ARMC1: variants seen among roughly 807,000 people sequenced by gnomAD.
The protein encoded by ARMC1 is armadillo repeat-containing protein 1.
A neutral mutation model predicts 31.4 loss-of-function variants in ARMC1; 16 were observed. The ratio of observed to expected loss-of-function variants is 0.51; its 90% CI spans 0.34 to 0.77. The LOEUF is 0.77. ARMC1 is among the 30% of genes least tolerant of loss of function. The pLI, the probability that ARMC1 is intolerant of heterozygous loss-of-function variation, is 0.01. For synonymous variants in ARMC1, 114 were observed against 118.9 expected (o/e 0.96, Z 0.27); for missense variants, 259 against 347.5 (o/e 0.75, Z 2.02).
intron 5 of ARMC1, 35 bp from the exon 6 acceptor site, chr8:65,605,372 G>C (rs772413113): frequency 4.0e-5 from 64 of 1,612,644 alleles, no homozygotes; most frequent in Non-Finnish European, 5.3e-5. Flanking sequence ...TTTTGAAATT[G>C]ATTTGTTTAC....
At chr8:65,618,818 CG>C (rs1392267478) in intron 3 of ARMC1, among the ~76,000 whole-genome samples, 1 of 151,304 alleles carries the variant, frequency 6.6e-6, no homozygotes, top group African/African-American at 2.4e-5. Flanking sequence ...CCGAGGTGAG[CG>C]GATCATGAGG....
chr8:65,627,501 AG>A, intron 1 of ARMC1, 68 bp from the exon 2 acceptor site: 1 of 877,670 alleles, frequency 1.1e-6, no homozygotes, highest in African/African-American at 1.7e-5. Context: ...TGAAATAACC[AG>A]GATTACAACA....
chr8:65,610,709 T>A (rs1323486879), intron 4 of ARMC1, among the ~76,000 whole-genome samples: 1 of 151,934 alleles, frequency 6.6e-6, no homozygotes, highest in Non-Finnish European at 1.5e-5. Context: ...AAAAAAAAAT[T>A]TAAAAACCAA....
rs764034757 is a variant in ARMC1, at chr8:65,604,574, T to A, written c.669A>T (p.Pro223=). The change falls in exon 7 of 7, where the codon CCA becomes CCT. Residue 223 remains proline, a synonymous_variant. Coordinates refer to ENST00000276569, the MANE Select transcript of ARMC1 (RefSeq NM_018120.6). The part of the protein sequence containing the change: ...KSESGEEMLV[P]FQDTPVEVEQ... The stretch of plus-strand genomic sequence containing the variant: ...CAACTTCCACAGGAGTATCTTGGAA[T>A]GGGACCAACATCTGATACAGAAAAT... 5 of 1,613,164 alleles carry A rather than the reference T, an allele frequency of 3.1e-6. No homozygotes were observed. The Admixed American group carries it at 5.0e-5, about 16-fold the overall frequency.
chr8:65,622,179 C>T, intron 3 of ARMC1, 84 bp downstream of exon 3: 1 of 1,089,924 alleles, frequency 9.2e-7, no homozygotes, highest in Non-Finnish European at 1.4e-6. Flanking sequence ...CGCTTGAACC[C>T]AGCATGGGCA....
chr8:65,612,381 A>G (rs2129041699), intron 4 of ARMC1, among the ~76,000 whole-genome samples: 1 of 151,980 alleles, frequency 6.6e-6, no homozygotes, highest in East Asian at 1.9e-4. Context: ...ACTTGAGCCC[A>G]GGAGTTCGAG....
intron 1 of ARMC1, among the ~76,000 whole-genome samples, chr8:65,628,569 G>C (rs529910801): frequency 1.8e-4 from 27 of 149,332 alleles, no homozygotes; most frequent in African/African-American, 6.4e-4. Flanking sequence ...TTTAAAATCA[G>C]TATTTTGGCC....
intron 4 of ARMC1, among the ~76,000 whole-genome samples, chr8:65,609,288 CTTTGCTGGGT>C (rs1468721059): frequency 1.3e-5 from 2 of 151,888 alleles, no homozygotes; most frequent in African/African-American, 2.4e-5. Flanking sequence ...TTTGTGTGTG[CTTTGCTGGGT>C]TTTATTACTT....
chr8:65,605,020 G>C (rs555904385), intron 6 of ARMC1, among the ~76,000 whole-genome samples: 5 of 152,316 alleles, frequency 3.3e-5, no homozygotes, highest in African/African-American at 1.2e-4. Flanking sequence ...AGATTAGGAA[G>C]AAAGTATTTA....
chr8:65,622,313 C>G lies in ARMC1; in HGVS notation c.225G>C (p.Lys75Asn), dbSNP rs774339005. The G allele has an allele frequency of 6.2e-7, 1 of 1,614,162 alleles. No homozygotes were observed. The highest frequency in any genetic ancestry group is 1.1e-5 in the South Asian group (1 of 91,086). The change falls in exon 3 of 7, where the codon AAG becomes AAC. Residue 75 changes from lysine to asparagine, a missense_variant. This residue lies in a region of ARMC1 where 163 missense variants were observed against 186.7 expected (regional missense o/e 0.87). Transcript: ENST00000276569. Reference protein sequence around the residue: ...YLAECRANREKMKGELGMMLS... With the variant: ...YLAECRANRENMKGELGMMLS... ...ACATCATACCCAGTTCTCCTTTCAT[C>G]TTTTCTCTGTTTGCACGGCATTCTG... is the stretch of plus-strand genomic sequence containing the variant.
chr8:65,619,276 T>G (rs979956463), intron 3 of ARMC1, among the ~76,000 whole-genome samples: 2 of 152,162 alleles, frequency 1.3e-5, no homozygotes, highest in Non-Finnish European at 2.9e-5. Flanking sequence ...GATTCACCCC[T>G]GTAATCCCAG....
chr8:65,616,596 C>G (rs1440122229), intron 3 of ARMC1, among the ~76,000 whole-genome samples: 1 of 150,948 alleles, frequency 6.6e-6, no homozygotes, highest in African/African-American at 2.4e-5. Flanking sequence ...GGCCGCCCAT[C>G]GTCTGGGATG....
intron 4 of ARMC1, among the ~76,000 whole-genome samples, chr8:65,610,579 C>T (rs951616823): frequency 6.6e-6 from 1 of 151,870 alleles, no homozygotes; most frequent in South Asian, 2.1e-4. Context: ...CCTGTAATCC[C>T]AGCTACTTGG....
chr8:65,604,173 C>A lies in ARMC1; in HGVS notation c.*221G>T. The A allele has an allele frequency of 2.3e-6, 1 of 426,628 alleles. No homozygotes were observed. Among genetic ancestry groups the A allele is most frequent in the Non-Finnish European group, 4.1e-6 (1 of 240,992 alleles). 26.4% of individuals were successfully genotyped at this position (426,628 alleles called of 1,614,324 possible). A position where few individuals can be genotyped will look rare whatever the true frequency, so the allele number is the denominator to read the frequency against. ...GGCAATTAAATGAAAGAAAACAAAC[C>A]AAAATACTTTCATAAACAAAGCAAC... is the stretch of plus-strand genomic sequence containing the variant. On this transcript the variant is annotated 3_prime_UTR_variant, in exon 7 of 7. Coordinates refer to ENST00000276569, the MANE Select transcript of ARMC1 (RefSeq NM_018120.6).
intron 1 of ARMC1, chr8:65,632,909 C>G (rs1808679180): frequency 6.6e-6 from 1 of 152,242 alleles, no homozygotes; most frequent in Non-Finnish European, 1.5e-5. Context: ...TTTACTTTCT[C>G]TTGTTTAGTT....
Position 65,627,428 on chromosome 8 carries a change from T to G in ARMC1, c.-30A>C, listed in dbSNP as rs753707886. The G allele has an allele frequency of 4.7e-5, 71 of 1,507,762 alleles. No homozygotes were observed. Among genetic ancestry groups the G allele is most frequent in the Non-Finnish European group, 6.0e-5 (68 of 1,124,552 alleles). The allele number at this position is 1,507,762 out of a possible 1,614,324, so 93.4% of individuals were successfully genotyped here. A position where few individuals can be genotyped will look rare whatever the true frequency, so the allele number is the denominator to read the frequency against. On this transcript the variant is annotated 5_prime_UTR_variant, in exon 2 of 7. Coordinates refer to ENST00000276569, the MANE Select transcript of ARMC1 (RefSeq NM_018120.6). ...TATGCCATGCACATGAATAAAATCT[T>G]AAATTCTGTAGAAAAGGTTTGCAGA...
At position 65,620,798 on chromosome 8, in the gene ARMC1, T is replaced by TAAAAAAAAAAAAAA. The variant is rs776508929; in HGVS notation, c.275+1464_275+1465insTTTTTTTTTTTTTT. Among the ~76,000 whole-genome samples, 50 of 46,502 alleles carry TAAAAAAAAAAAAAA rather than the reference T, an allele frequency of 1.1e-3. 1 individual carries two copies. The highest frequency in any genetic ancestry group is 1.3e-3 in the Admixed American group (7 of 5,214). 30.5% of individuals were successfully genotyped at this position (46,502 alleles called of 152,430 possible). On this transcript the variant is annotated intron_variant, in intron 3 of 6. Transcript: ENST00000276569. Reference sequence around the variant, plus strand: ...GTCCTGTAAAAGAATTTAGTTCCATTTAAAAAAAAACACAACTATCTGGGC... The same window carrying TAAAAAAAAAAAAAA: ...GTCCTGTAAAAGAATTTAGTTCCATTAAAAAAAAAAAAAATAAAAAAAAACACAACTATCTGGGC...
chr8:65,609,677 G>T (rs1404590986), intron 4 of ARMC1, among the ~76,000 whole-genome samples: 2 of 152,084 alleles, frequency 1.3e-5, no homozygotes, highest in East Asian at 3.9e-4. Context: ...GGCCAATATG[G>T]TGAAACCCCG....
intron 1 of ARMC1, among the ~76,000 whole-genome samples, chr8:65,629,826 A>G (rs1808601264): frequency 6.7e-6 from 1 of 150,308 alleles, no homozygotes; most frequent in Non-Finnish European, 1.5e-5. Context: ...AAATCAAAAC[A>G]AAACAGTATA....
Sources: gnomAD v4.1 joint callset for allele counts (sites outside exome capture counted in the v4.1 genomes callset) on GRCh38, gnomAD v4.1.1 for gene constraint, gnomAD v4.1.1 regional missense constraint, MANE v1.5 for transcripts, NCBI Gene and HGNC (gene_info 2026-07-23, HGNC 2026-07-21) for gene names.